The following MTMR3 variants were observed in gnomAD, a reference collection of about 807,000 sequenced individuals.
The protein encoded by MTMR3 is phosphatidylinositol-3,5-bisphosphate 3-phosphatase MTMR3.
A neutral mutation model predicts 132.4 loss-of-function variants in MTMR3; 32 were observed. The ratio of observed to expected loss-of-function variants is 0.24; its 90% CI spans 0.18 to 0.32. The LOEUF is 0.32. MTMR3 is among the 10% of genes least tolerant of loss of function. The probability of loss-of-function intolerance (pLI) is 1.00; values close to 1 mark genes in which losing one functional copy is unlikely to be tolerated. For synonymous variants in MTMR3, 556 were observed against 550.3 expected (o/e 1.01, Z -0.14); for missense variants, 1,216 against 1,489.6 (o/e 0.82, Z 3.02).
At chr22:29,898,947 A>G (rs2145722062) in intron 1 of MTMR3, among the ~76,000 whole-genome samples, 1 of 150,228 alleles carries the variant, frequency 6.7e-6, no homozygotes, top group African/African-American at 2.5e-5. Context: ...AAGTAGTAGT[A>G]ATCCATAGTT....
chr22:29,949,474 T>G (rs2066029196), intron 1 of MTMR3, among the ~76,000 whole-genome samples: 1 of 144,952 alleles, frequency 6.9e-6, no homozygotes, highest in Non-Finnish European at 1.5e-5. Flanking sequence ...CAAGCCTGGG[T>G]GATAAAGTAA....
Position 30,022,564 on chromosome 22 carries a change from G to A in MTMR3, c.3337-45G>A, listed in dbSNP as rs1344811527. ...AGCATGGCTCTGCTGGCTCCAGCTG[G>A]ATGGCCCATCTCCTGTCAGTAACCT... is the stretch of plus-strand genomic sequence containing the variant. On this transcript the variant is annotated intron_variant, in intron 18 of 19. Coordinates refer to ENST00000401950, the MANE Select transcript of MTMR3 (RefSeq NM_021090.4). The A allele has an allele frequency of 2.6e-6, 4 of 1,544,192 alleles. No individual in the cohort carries two copies. In the African/African-American group the frequency reaches 5.4e-5, roughly 21 times the overall value.
At chr22:29,925,002 A>T (rs967776336) in intron 1 of MTMR3, among the ~76,000 whole-genome samples, 1 of 152,238 alleles carries the variant, frequency 6.6e-6, no homozygotes, top group South Asian at 2.1e-4. Context: ...AATGTTTGGC[A>T]TGAAATAATT....
intron 1 of MTMR3, among the ~76,000 whole-genome samples, chr22:29,934,332 C>A (rs181514592): frequency 6.6e-6 from 1 of 151,534 alleles, no homozygotes; most frequent in Admixed American, 6.6e-5. Context: ...CCAGCCTGGG[C>A]GGTAGAGAGA....
Position 29,991,654 on chromosome 22 carries a change from A to C in MTMR3, c.444A>C (p.Gly148=). The part of the protein sequence containing the change: ...EVYASEKEQH[G]DLCRPGEHVT... ...ATGCCAGTGAAAAAGAGCAACATGG[A>C]GACCTGTGCAGACCAGGTACGCCTT... The change falls in exon 7 of 20, where the codon GGA becomes GGC. Residue 148 remains glycine (G), a synonymous_variant. Transcript: ENST00000401950. 1 of 1,606,994 alleles carries C rather than the reference A, an allele frequency of 6.2e-7. No homozygotes were observed. Among genetic ancestry groups the C allele is most frequent in the East Asian group, 2.2e-5 (1 of 44,682 alleles).
At chr22:30,008,396 C>G (rs958123901) in intron 11 of MTMR3, 3 of 189,584 alleles carry the variant, frequency 1.6e-5, no homozygotes, top group Non-Finnish European at 3.3e-5. Context: ...ATGCTCACCA[C>G]TGGCCTTGTA....
Position 30,020,652 on chromosome 22 carries a change from C to T in MTMR3, c.2993C>T (p.Ser998Leu). 6.2e-7 allele frequency: 1 copy of T among 1,614,232 alleles called. No homozygotes were observed. The change falls in exon 17 of 20, where the codon TCA becomes TTA. Residue 998 changes from serine to leucine, a missense_variant. Around this residue, in one of 7 missense-constraint regions of MTMR3, gnomAD observed 852 missense variants for 852.0 expected, o/e 1.00. Coordinates refer to ENST00000401950, the MANE Select transcript of MTMR3 (RefSeq NM_021090.4). Reference sequence around the variant, plus strand: ...CACCACAAGTGGCTGCATAGCCACTCAGGAAGGCCATCTGCAACCAGCAGC... The same window carrying T: ...CACCACAAGTGGCTGCATAGCCACTTAGGAAGGCCATCTGCAACCAGCAGC... ...NLHHKWLHSH[S>L]GRPSATSSPD...
intron 3 of MTMR3, among the ~76,000 whole-genome samples, chr22:29,973,525 C>T (rs146356513): frequency 9.5e-4 from 144 of 152,300 alleles, no homozygotes; most frequent in Non-Finnish European, 1.7e-3. Flanking sequence ...TTCACTTCTA[C>T]GCTTTGCAAA....
intron 17 of MTMR3, chr22:30,021,664 C>T (rs765934316): frequency 5.2e-5 from 11 of 210,954 alleles, no homozygotes; most frequent in Non-Finnish European, 1.0e-4. Flanking sequence ...GAGGGCATCC[C>T]GAAAGCACTC....
In MTMR3 at chr22:29,883,244, G is replaced by T. The variant is rs112412998; in HGVS notation, c.-253G>T. 0.027 allele frequency: 4,146 copies of T among 153,418 alleles called. 193 individuals are homozygous for T. The highest frequency in any genetic ancestry group is 0.096 in the African/African-American group (3,980 of 41,596). 9.5% of individuals were successfully genotyped at this position (153,418 alleles called of 1,614,324 possible). A position where few individuals can be genotyped will look rare whatever the true frequency, so the allele number is the denominator to read the frequency against. ...CGGCGGCGGCGGCGGAGTAGCAGCCGGACGAGACGTCCCAGCGGCTCAGGC... is the reference window on the plus strand; with the variant it reads ...CGGCGGCGGCGGCGGAGTAGCAGCCTGACGAGACGTCCCAGCGGCTCAGGC... On this transcript the variant is annotated 5_prime_UTR_variant, in exon 1 of 20. Transcript: ENST00000401950.
chr22:29,960,504 C>G (rs1261333883), intron 2 of MTMR3, among the ~76,000 whole-genome samples: 3 of 152,170 alleles, frequency 2.0e-5, no homozygotes, highest in Non-Finnish European at 4.4e-5. Context: ...GGAAACTGTC[C>G]TATCCAAATT....
intron 1 of MTMR3, among the ~76,000 whole-genome samples, chr22:29,906,082 C>T (rs1430457109): frequency 1.3e-5 from 2 of 152,008 alleles, no homozygotes; most frequent in African/African-American, 4.8e-5. Context: ...CCTTTAACTC[C>T]TTGGATCAAG....
chr22:30,020,430 A>C lies in MTMR3; in HGVS notation c.2771A>C (p.Glu924Ala), dbSNP rs969428631. 1 of 1,614,174 alleles carries C rather than the reference A, an allele frequency of 6.2e-7. No homozygotes were observed. The highest frequency in any genetic ancestry group is 8.5e-7 in the Non-Finnish European group (1 of 1,180,040). ...PCALPLAECK[E>A]GLVCNGAPET... is the part of the protein sequence containing the mutation. ...GCCTTGCCTTTAGCCGAATGTAAAG[A>C]GGGGCTTGTGTGCAATGGTGCCCCA... Residue 924 changes from glutamate to alanine, a missense_variant, in exon 17 of 20, where the codon GAG becomes GCG. By Grantham distance (107) the Glu-to-Ala change is moderately radical (BLOSUM62 -1). This residue lies in a region of MTMR3 where 852 missense variants were observed against 852.0 expected (regional missense o/e 1.00). Coordinates refer to ENST00000401950, the MANE Select transcript of MTMR3 (RefSeq NM_021090.4).
chr22:29,886,896 A>G (rs950354347), intron 1 of MTMR3, among the ~76,000 whole-genome samples: 1 of 152,220 alleles, frequency 6.6e-6, no homozygotes, highest in Non-Finnish European at 1.5e-5. Context: ...TGTGCAATTT[A>G]TATAGCTAGC....
At chr22:29,911,208 C>G (rs968562526) in intron 1 of MTMR3, among the ~76,000 whole-genome samples, 4 of 152,048 alleles carry the variant, frequency 2.6e-5, no homozygotes, top group African/African-American at 9.7e-5. Context: ...AGTTTTTTTC[C>G]TTGTTTCTAC....
intron 2 of MTMR3, among the ~76,000 whole-genome samples, chr22:29,962,746 C>T (rs1164433041): frequency 6.6e-6 from 1 of 152,028 alleles, no homozygotes; most frequent in Non-Finnish European, 1.5e-5. Flanking sequence ...CTCCTGGCAC[C>T]CACTAATCTG....
chr22:29,994,406 A>C (rs2067020935), intron 7 of MTMR3: 1 of 152,110 alleles, frequency 6.6e-6, no homozygotes, highest in Admixed American at 6.5e-5. Context: ...AAAAAAAAAA[A>C]AAAAACACCT....
rs990947545 is a variant in MTMR3, at chr22:29,940,512, C to T, written c.-137-16524C>T. Among the ~76,000 whole-genome samples the T allele has an allele frequency of 1.1e-4, 16 of 150,042 alleles. 1 individual carries two copies. The highest frequency in any genetic ancestry group is 1.8e-4 in the Non-Finnish European group (12 of 68,022). On this transcript the variant is annotated intron_variant, in intron 1 of 19. Transcript: ENST00000401950. ...TTGGTGGACTCTCTTCACACGGATG[C>T]GTGTGACAATGACTGTACTTTTAAC...
At chr22:30,024,606 G>A (rs563456659) in intron 19 of MTMR3, 1 of 152,170 alleles carries the variant, frequency 6.6e-6, no homozygotes, top group Admixed American at 6.5e-5. Flanking sequence ...CCAGCAGTGG[G>A]TTTGCATTCC....
Sources: allele counts gnomAD v4.1 joint callset (sites outside exome capture counted in the v4.1 genomes callset), GRCh38; gene constraint gnomAD v4.1.1; regional missense constraint gnomAD v4.1.1; transcripts MANE v1.5; gene names NCBI Gene and HGNC (gene_info 2026-07-23, HGNC 2026-07-21).